The following UPRT variants were observed in gnomAD, a reference collection of about 807,000 sequenced individuals.
UPRT encodes the protein RP11-311P8.3.
Under a neutral mutation model 22.6 loss-of-function variants are expected in UPRT, and 5 were observed. The observed-to-expected ratio is 0.22, with a 90% CI of 0.12 to 0.47. The LOEUF is 0.47. Ranked by LOEUF, UPRT falls within the 20% of genes least tolerant of loss-of-function variation. The pLI, the probability that UPRT is intolerant of heterozygous loss-of-function variation, is 0.99. For synonymous variants in UPRT, 77 were observed against 87.7 expected (o/e 0.88, Z 0.68); for missense variants, 181 against 239.9 (o/e 0.75, Z 1.62).
intron 4 of UPRT, among the ~76,000 whole-genome samples, chrX:75,252,028 C>G (rs762182041): frequency 4.5e-5 from 5 of 112,247 alleles, no homozygotes; most frequent in African/African-American, 1.3e-4. Context: ...GCTGAAACTG[C>G]ATCCCTTCCT....
chrX:75,219,283 G>A (rs755828411), intron 4 of UPRT, among the ~76,000 whole-genome samples: 1 of 112,182 alleles, frequency 8.9e-6, no homozygotes, highest in Non-Finnish European at 1.9e-5. Flanking sequence ...AAGGCTTCAT[G>A]CCATGGACAC....
chrX:75,225,468 A>G (rs745780418), intron 4 of UPRT, among the ~76,000 whole-genome samples: 22 of 110,814 alleles, frequency 2.0e-4, no homozygotes, highest in Admixed American at 6.8e-4. Flanking sequence ...TGAGAAATGC[A>G]GTTTTACTCC....
chrX:75,274,775 GGTGTGTGTGTGTGTGT>G (rs201034223), intron 1 of UPRT, 135 bp downstream of exon 1: 20 of 361,643 alleles, frequency 5.5e-5, no homozygotes, highest in Admixed American at 2.2e-4. Flanking sequence ...CCTTTTATTT[GGTGTGTGTGTGTGTGT>G]GTGTGTGTGT....
intron 4 of UPRT, among the ~76,000 whole-genome samples, chrX:75,248,123 G>A (rs749372357): frequency 9.9e-5 from 11 of 111,558 alleles, no homozygotes; most frequent in Admixed American, 1.9e-4. Flanking sequence ...GAAAAACAGC[G>A]CAGAAAAACT....
chrX:75,196,422 G>A (rs777514629), intron 4 of UPRT, among the ~76,000 whole-genome samples: 1 of 112,791 alleles, frequency 8.9e-6, no homozygotes, highest in African/African-American at 3.2e-5. Flanking sequence ...TTGATCAAAA[G>A]CTCAACTGTT....
chrX:75,206,228 G>A (rs2082366335), intron 4 of UPRT, among the ~76,000 whole-genome samples: 2 of 111,075 alleles, frequency 1.8e-5, no homozygotes, highest in African/African-American at 3.3e-5. Flanking sequence ...TGGTGGTAGG[G>A]AAAGCTTCTA....
At chrX:75,236,431 A>G (rs2082464383) in intron 4 of UPRT, among the ~76,000 whole-genome samples, 1 of 111,771 alleles carries the variant, frequency 8.9e-6, no homozygotes, top group Non-Finnish European at 1.9e-5. Context: ...CTTTCTTCAC[A>G]GAATTGGAAA....
chrX:75,225,519 A>G (rs1337470996), intron 4 of UPRT, among the ~76,000 whole-genome samples: 2 of 111,125 alleles, frequency 1.8e-5, no homozygotes, highest in Non-Finnish European at 1.9e-5. Context: ...AGGCAGTCCT[A>G]TATTCTTGGC....
chrX:75,185,635 T>A (rs952953705), intron 4 of UPRT, among the ~76,000 whole-genome samples: 2 of 112,053 alleles, frequency 1.8e-5, no homozygotes, highest in Non-Finnish European at 3.8e-5. Flanking sequence ...AATTCCGCTG[T>A]GAATCCATCT....
intron 4 of UPRT, among the ~76,000 whole-genome samples, chrX:75,239,165 A>G (rs2082479906): frequency 9.0e-6 from 1 of 111,663 alleles, no homozygotes; most frequent in Non-Finnish European, 1.9e-5. Flanking sequence ...TAAATGAAAC[A>G]AAAAGATGGT....
chrX:75,303,635 G>C lies in UPRT; in HGVS notation c.*124G>C, dbSNP rs1376362753. The C allele has an allele frequency of 3.8e-6, 2 of 531,037 alleles. No homozygotes were observed. Among genetic ancestry groups the C allele is most frequent in the Non-Finnish European group, 5.9e-6 (2 of 338,406 alleles). The allele number at this position is 531,037 out of a possible 1,213,427, so 43.8% of individuals were successfully genotyped here. ...GTTAAAATGCTTTTTAGTTTTGGAA[G>C]TGGGTATATTTGAGGTTATATCTCA... On this transcript the variant is annotated 3_prime_UTR_variant, in exon 7 of 7. Transcript: ENST00000373383.
At chrX:75,189,138 T>A (rs2082306273) in intron 4 of UPRT, among the ~76,000 whole-genome samples, 1 of 112,483 alleles carries the variant, frequency 8.9e-6, no homozygotes, top group Non-Finnish European at 1.9e-5. Flanking sequence ...AATTTCCCTC[T>A]ACACATTGCT....
intron 4 of UPRT, among the ~76,000 whole-genome samples, chrX:75,255,357 C>T (rs959795343): frequency 8.9e-6 from 1 of 112,013 alleles, no homozygotes; most frequent in Non-Finnish European, 1.9e-5. Context: ...CTAAAAGGAG[C>T]TCCAAATCTT....
intron 4 of UPRT, among the ~76,000 whole-genome samples, chrX:75,229,767 G>T (rs1622637): frequency 8.9e-6 from 1 of 112,215 alleles, no homozygotes; most frequent in Non-Finnish European, 1.9e-5. Context: ...TTATCTCACA[G>T]AAGTCCTGGG....
chrX:75,198,173 T>C lies in UPRT; in HGVS notation c.-447+30294T>C, dbSNP rs147172269. On this transcript the variant is annotated intron_variant, in intron 4 of 13. Transcript: ENST00000652605. Reference sequence around the variant, plus strand: ...AATACTACCCAGCTATAGAAGGGACTGAATTACTGATATTTAAACAATATG... The same window carrying C: ...AATACTACCCAGCTATAGAAGGGACCGAATTACTGATATTTAAACAATATG... Among the ~76,000 whole-genome samples the C allele has an allele frequency of 4.3e-3, 483 of 112,776 alleles. 1 individual carries two copies. Among genetic ancestry groups the C allele is most frequent in the African/African-American group, 0.015 (458 of 31,076 alleles).
chrX:75,159,119 C>T (rs918366420), intron 1 of UPRT, among the ~76,000 whole-genome samples: 4 of 111,967 alleles, frequency 3.6e-5, no homozygotes, highest in Admixed American at 2.8e-4. Context: ...TGTCCCCTCC[C>T]TTCTGCTCTT....
chrX:75,299,121 T>G (rs2082735806), intron 4 of UPRT, among the ~76,000 whole-genome samples: 2 of 112,714 alleles, frequency 1.8e-5, no homozygotes, highest in South Asian at 7.2e-4. Context: ...TTTAAAGGAA[T>G]TCAGACTCAA....
chrX:75,246,553 T>C (rs1268718369), intron 4 of UPRT, among the ~76,000 whole-genome samples: 20 of 111,044 alleles, frequency 1.8e-4, no homozygotes, highest in South Asian at 7.7e-4. Flanking sequence ...TGAATAGTGC[T>C]GCAATAAACA....
intron 4 of UPRT, among the ~76,000 whole-genome samples, chrX:75,186,236 G>C (rs1173640876): frequency 9.0e-6 from 1 of 110,983 alleles, no homozygotes; most frequent in African/African-American, 3.3e-5. Context: ...TGTTCTCGTT[G>C]GTTTCAAAGA....
Sources: allele counts gnomAD v4.1 joint callset (sites outside exome capture counted in the v4.1 genomes callset), GRCh38; gene constraint gnomAD v4.1.1; transcripts MANE v1.5; gene names NCBI Gene and HGNC (gene_info 2026-07-23, HGNC 2026-07-21).